The following MCM6 variants were observed in gnomAD, a reference collection of about 807,000 sequenced individuals.
The protein encoded by MCM6 is DNA replication licensing factor MCM6.
MCM6 carries 46 observed loss-of-function variants against 94.3 expected under a neutral mutation model. The ratio of observed to expected loss-of-function variants is 0.49; its 90% CI spans 0.39 to 0.62. MCM6 has a LOEUF of 0.62. MCM6 is among the 20% of genes least tolerant of loss of function. The pLI, the probability that MCM6 is intolerant of heterozygous loss-of-function variation, is 0.00. For synonymous variants in MCM6, 335 were observed against 351.9 expected (o/e 0.95, Z 0.54); for missense variants, 865 against 1,017.9 (o/e 0.85, Z 2.04).
At chr2:135,864,361 G>A (rs148728883) in intron 7 of MCM6, among the ~76,000 whole-genome samples, 3 of 152,280 alleles carry the variant, frequency 2.0e-5, no homozygotes, top group African/African-American at 7.2e-5. Flanking sequence ...AGCCAATGTG[G>A]TGACCTACAC....
chr2:135,846,205 C>G (rs767145365), intron 15 of MCM6, 32 bp downstream of exon 15: 1 of 1,609,098 alleles, frequency 6.2e-7, no homozygotes, highest in East Asian at 2.2e-5. Context: ...CAGAAGTGAC[C>G]GAGCATGTAA....
chr2:135,859,705 C>T (rs1296805045), intron 8 of MCM6, among the ~76,000 whole-genome samples: 6 of 151,966 alleles, frequency 3.9e-5, no homozygotes, highest in South Asian at 2.1e-4. Flanking sequence ...TAGGTTCAGG[C>T]GATTCTCGTG....
intron 11 of MCM6, among the ~76,000 whole-genome samples, chr2:135,853,310 G>T (rs1429656978): frequency 6.6e-6 from 1 of 152,118 alleles, no homozygotes; most frequent in Non-Finnish European, 1.5e-5. Flanking sequence ...TGGGCATGGT[G>T]GTGCACATGT....
chr2:135,852,955 A>G lies in MCM6; in HGVS notation c.1627-40T>C, dbSNP rs182004250. Reference sequence around the variant, plus strand: ...AAAAATCACTTTGATAGTCACAGCAATATCTTCTCCAGACTATCCCAGGCA... The same window carrying G: ...AAAAATCACTTTGATAGTCACAGCAGTATCTTCTCCAGACTATCCCAGGCA... On this transcript the variant is annotated intron_variant, in intron 11 of 16. Transcript: ENST00000264156. 43 of 1,556,684 alleles carry G rather than the reference A, an allele frequency of 2.8e-5. No individual in the cohort carries two copies. In the African/African-American group the frequency reaches 3.7e-4, roughly 14 times the overall value.
chr2:135,866,501 G>C, intron 5 of MCM6, 62 bp downstream of exon 5: 1 of 1,523,670 alleles, frequency 6.6e-7, no homozygotes, highest in Non-Finnish European at 8.9e-7. Context: ...GATGTGGGAA[G>C]CTAGATACTG....
intron 11 of MCM6, 137 bp downstream of exon 11, chr2:135,856,591 T>C: frequency 1.3e-6 from 1 of 748,416 alleles, no homozygotes; most frequent in Non-Finnish European, 2.1e-6. Context: ...CTAAACCCTT[T>C]GTCCGATCCT....
chr2:135,851,075 G>T (rs768790493), intron 13 of MCM6, among the ~76,000 whole-genome samples: 29 of 152,278 alleles, frequency 1.9e-4, no homozygotes, highest in Non-Finnish European at 3.1e-4. Flanking sequence ...TGAGGCCAGG[G>T]GCTACATTAT....
chr2:135,850,349 C>A (rs1679750859), intron 13 of MCM6, among the ~76,000 whole-genome samples: 1 of 151,466 alleles, frequency 6.6e-6, no homozygotes, highest in African/African-American at 2.4e-5. Flanking sequence ...AGGTTTGTTA[C>A]ATAGGTAAAC....
chr2:135,874,500 G>A (rs1575369935), intron 1 of MCM6, among the ~76,000 whole-genome samples: 1 of 152,070 alleles, frequency 6.6e-6, no homozygotes, highest in South Asian at 2.1e-4. Flanking sequence ...TTCCTAAGAA[G>A]GCAGCATTAT....
At chr2:135,864,346 A>C (rs190409704) in intron 7 of MCM6, among the ~76,000 whole-genome samples, 14 of 152,246 alleles carry the variant, frequency 9.2e-5, no homozygotes, top group African/African-American at 3.4e-4. Flanking sequence ...AAAAAGAGAA[A>C]CAAGAGCCAA....
At chr2:135,868,402 C>T (rs1433199134) in intron 4 of MCM6, among the ~76,000 whole-genome samples, 2 of 152,220 alleles carry the variant, frequency 1.3e-5, no homozygotes, top group Non-Finnish European at 2.9e-5. Context: ...TCTTAAGGAA[C>T]TTCCAAGTTA....
chr2:135,861,882 C>T lies in MCM6; in HGVS notation c.1220+725G>A, dbSNP rs541859344. On this transcript the variant is annotated intron_variant, in intron 8 of 16. Transcript: ENST00000264156. ...CCGCCCGCCTTGATTTCCCAAAGTGCTGGGATTACAGGCGTGAGCCATGGC... is the reference window on the plus strand; with the variant it reads ...CCGCCCGCCTTGATTTCCCAAAGTGTTGGGATTACAGGCGTGAGCCATGGC... Among the ~76,000 whole-genome samples the T allele has an allele frequency of 6.6e-5, 10 of 152,310 alleles. No homozygotes were observed. In the South Asian group the frequency reaches 1.9e-3, roughly 28 times the overall value.
intron 15 of MCM6, among the ~76,000 whole-genome samples, chr2:135,845,433 G>A (rs573457812): frequency 8.5e-5 from 13 of 152,292 alleles, no homozygotes; most frequent in Non-Finnish European, 1.8e-4. Context: ...TGTGAGACGC[G>A]AATGAGGACA....
At chr2:135,858,617 G>T (rs1034629887) in intron 9 of MCM6, among the ~76,000 whole-genome samples, 1 of 143,342 alleles carries the variant, frequency 7.0e-6, no homozygotes. Flanking sequence ...CTTTTCTAAG[G>T]AAGATAATTC....
Position 135,868,024 on chromosome 2 carries a change from C to CA in MCM6, c.615+586dup, listed in dbSNP as rs199855952. Reference sequence around the variant, plus strand: ...CCTGGGTGACAGAGAGAGACTGTCTCAAAAAAAAACAAAAAACAAAACAAA... The same window carrying CA: ...CCTGGGTGACAGAGAGAGACTGTCTCAAAAAAAAAACAAAAAACAAAACAAA... On this transcript the variant is annotated intron_variant, in intron 4 of 16. Coordinates refer to ENST00000264156, the MANE Select transcript of MCM6 (RefSeq NM_005915.6). 6.0e-3 allele frequency among the ~76,000 whole-genome samples: 903 copies of CA among 150,682 alleles called. 12 individuals are homozygous for CA. In the East Asian group the frequency reaches 0.069, roughly 11 times the overall value.
intron 13 of MCM6, 27 bp downstream of exon 13, chr2:135,851,375 C>T (rs1322838469): frequency 1.0e-5 from 16 of 1,588,766 alleles, no homozygotes; most frequent in Non-Finnish European, 3.4e-6. Flanking sequence ...TATCTCTGCT[C>T]TCATCATATC....
chr2:135,844,513 T>G (rs753686228), intron 16 of MCM6, 32 bp downstream of exon 16: 2 of 1,429,976 alleles, frequency 1.4e-6, no homozygotes, highest in Non-Finnish European at 1.8e-6. Context: ...CCTCCCTCCC[T>G]GATACCAGAG....
rs1159523252 is a variant in MCM6 at position 135,876,352 on chromosome 2, G to T, written c.14C>A (p.Ala5Glu). The T allele has an allele frequency of 6.2e-6, 10 of 1,607,092 alleles. No homozygotes were observed. The highest frequency in any genetic ancestry group is 8.5e-6 in the Non-Finnish European group (10 of 1,178,906). The change falls in exon 1 of 17, where the codon GCG (alanine) becomes GAG (glutamate). Residue 5 changes from alanine to glutamate, a missense_variant. Around this residue, in one of 3 missense-constraint regions of MCM6, gnomAD observed 404 missense variants for 451.9 expected, o/e 0.89. Transcript: ENST00000264156. MDLA[A>E]AAEPGAGSQH... ...GCTGCCGGCGCCCGGCTCCGCTGCC[G>T]CCGCGAGGTCCATATTTGCTTAGTG...
chr2:135,870,360 C>G lies in MCM6; in HGVS notation c.256G>C (p.Val86Leu). ...AAGGCCCGACACAGGTAAGGGTAAACTCTGAAAAACAAAAAAGTCAGCTGA... is the reference window on the plus strand; with the variant it reads ...AAGGCCCGACACAGGTAAGGGTAAAGTCTGAAAAACAAAAAAGTCAGCTGA... The part of the protein sequence containing the change: ...STTIQEEFYR[V>L]YPYLCRALKT... The change falls in exon 3 of 17, where the codon GTT becomes CTT. Residue 86 changes from valine to leucine, a missense_variant and splice_region_variant. Around this residue, in one of 3 missense-constraint regions of MCM6, gnomAD observed 404 missense variants for 451.9 expected, o/e 0.89. Coordinates refer to ENST00000264156, the MANE Select transcript of MCM6 (RefSeq NM_005915.6). 1.2e-6 allele frequency: 2 copies of G among 1,612,308 alleles called. No homozygotes were observed. Among genetic ancestry groups the G allele is most frequent in the Non-Finnish European group, 1.7e-6 (2 of 1,178,562 alleles).
Sources: gnomAD v4.1 joint callset for allele counts (sites outside exome capture counted in the v4.1 genomes callset) on GRCh38, gnomAD v4.1.1 for gene constraint, gnomAD v4.1.1 regional missense constraint, MANE v1.5 for transcripts, NCBI Gene and HGNC (gene_info 2026-07-23, HGNC 2026-07-21) for gene names.